ABCC4: variants seen among roughly 807,000 people sequenced by gnomAD.
The protein encoded by ABCC4 is ATP binding cassette subfamily C member 4 (PEL blood group).
ABCC4 carries 102 observed loss-of-function variants against 168.5 expected under a neutral mutation model. The ratio of observed to expected loss-of-function variants is 0.61; its 90% CI spans 0.52 to 0.71. The LOEUF is 0.71. Ranked by LOEUF, ABCC4 falls within the 30% of genes least tolerant of loss-of-function variation. The pLI is 0.00. For missense variants in ABCC4, 1,402 were observed against 1,605.8 expected, an observed-to-expected ratio of 0.87 and a Z score of 2.17; for synonymous variants, 617 against 590.7, an observed-to-expected ratio of 1.04 and a Z score of -0.65.
intron 29 of ABCC4, among the ~76,000 whole-genome samples, chr13:95,038,897 C>CTA (rs139576255): frequency 2.1e-4 from 32 of 152,190 alleles, no homozygotes; most frequent in African/African-American, 7.5e-4. Context: ...AGGATTCAGG[C>CTA]TATAGCCTTG....
intron 25 of ABCC4, among the ~76,000 whole-genome samples, chr13:95,068,203 C>T (rs537096216): frequency 4.6e-5 from 7 of 152,302 alleles, no homozygotes; most frequent in East Asian, 1.9e-4. Flanking sequence ...GATCCTGGGG[C>T]TGCAGGCAGG....
Position 95,207,815 on chromosome 13 carries a change from A to G in ABCC4, c.896T>C (p.Ile299Thr), listed in dbSNP as rs144290040. The part of the protein sequence containing the change: ...YAWEKSFSNL[I>T]TNLRKKEISK... ...AAAAACTTACTTTCTCAAATTGGTAATAAGATTTGAAAATGACTTTTCCCA... is the reference window on the plus strand; with the variant it reads ...AAAAACTTACTTTCTCAAATTGGTAGTAAGATTTGAAAATGACTTTTCCCA... The change falls in exon 7 of 31, where the codon ATT becomes ACT. Residue 299 changes from isoleucine to threonine, a missense_variant. Transcript: ENST00000645237. 1.9e-6 allele frequency: 3 copies of G among 1,612,286 alleles called. No individual in the cohort carries two copies. The African/African-American group carries it at 4.0e-5, about 22-fold the overall frequency.
intron 24 of ABCC4, 64 bp downstream of exon 24, chr13:95,073,140 T>G (rs1348017572): frequency 7.6e-7 from 1 of 1,311,808 alleles, no homozygotes; most frequent in Non-Finnish European, 1.1e-6. Context: ...CACATAAGAA[T>G]GGCTTTTATA....
intron 1 of ABCC4, among the ~76,000 whole-genome samples, chr13:95,273,958 A>G (rs1186896555): frequency 6.6e-6 from 1 of 151,812 alleles, no homozygotes; most frequent in Non-Finnish European, 1.5e-5. Context: ...TTGCCTGCAC[A>G]AGCTCTCTCT....
intron 27 of ABCC4, among the ~76,000 whole-genome samples, chr13:95,051,740 C>T (rs1042068582): frequency 3.3e-5 from 5 of 152,052 alleles, no homozygotes; most frequent in African/African-American, 1.2e-4. Flanking sequence ...AATGTTGGCT[C>T]ACCACAACCT....
intron 29 of ABCC4, chr13:95,043,225 C>T (rs1402794794): frequency 2.6e-5 from 4 of 153,410 alleles, no homozygotes. Flanking sequence ...CTCATCTCTT[C>T]CCCTGTGACA....
intron 19 of ABCC4, among the ~76,000 whole-genome samples, chr13:95,139,745 C>A (rs2139476391): frequency 6.6e-6 from 1 of 152,294 alleles, no homozygotes; most frequent in East Asian, 1.9e-4. Flanking sequence ...TTCAATGGTT[C>A]TTTCCCATGC....
intron 14 of ABCC4, among the ~76,000 whole-genome samples, chr13:95,168,336 C>T (rs1348378649): frequency 6.6e-6 from 1 of 152,124 alleles, no homozygotes; most frequent in African/African-American, 2.4e-5. Flanking sequence ...GGGGAAGAGC[C>T]AGCACACGGA....
intron 11 of ABCC4, among the ~76,000 whole-genome samples, chr13:95,181,504 T>C (rs2037889818): frequency 6.6e-6 from 1 of 152,256 alleles, no homozygotes; most frequent in African/African-American, 2.4e-5. Context: ...TCTAGGTTCC[T>C]AAGGCTTTGT....
At chr13:95,134,280 T>C (rs1333724778) in intron 19 of ABCC4, among the ~76,000 whole-genome samples, 1 of 152,188 alleles carries the variant, frequency 6.6e-6, no homozygotes, top group Non-Finnish European at 1.5e-5. Flanking sequence ...GACAGTGACG[T>C]ACAAACATTC....
chr13:95,238,918 C>T (rs2039852908), intron 3 of ABCC4, among the ~76,000 whole-genome samples: 1 of 152,070 alleles, frequency 6.6e-6, no homozygotes, highest in African/African-American at 2.4e-5. Flanking sequence ...GTTAGGCTTC[C>T]AAGAAAATCC....
chr13:95,133,673 T>C (rs1249614819), intron 19 of ABCC4, among the ~76,000 whole-genome samples: 1 of 151,932 alleles, frequency 6.6e-6, no homozygotes, highest in African/African-American at 2.4e-5. Context: ...GAACTCTCCT[T>C]GTAGGATAAG....
intron 3 of ABCC4, among the ~76,000 whole-genome samples, chr13:95,236,262 G>A (rs779493857): frequency 5.3e-5 from 8 of 152,104 alleles, no homozygotes; most frequent in African/African-American, 1.9e-4. Context: ...GTAGGCCCTC[G>A]ACATCATTTC....
At chr13:95,203,336 C>CTT (rs35053264) in intron 8 of ABCC4, among the ~76,000 whole-genome samples, 111 of 126,706 alleles carry the variant, frequency 8.8e-4, no homozygotes, top group Middle Eastern at 4.0e-3. Flanking sequence ...TCAGGAGGCT[C>CTT]TTTTTTTTTT....
chr13:95,271,547 C>T (rs976517229), intron 1 of ABCC4, among the ~76,000 whole-genome samples: 3 of 152,258 alleles, frequency 2.0e-5, no homozygotes, highest in African/African-American at 7.2e-5. Context: ...CAAGTATTTG[C>T]GTTACCTCAG....
intron 20 of ABCC4, among the ~76,000 whole-genome samples, chr13:95,110,264 G>A (rs573789539): frequency 2.2e-4 from 31 of 138,370 alleles, no homozygotes; most frequent in Non-Finnish European, 4.1e-4. Context: ...AGCCAAGATC[G>A]CCCCACTGCA....
At chr13:95,120,792 G>A (rs566090934) in intron 19 of ABCC4, among the ~76,000 whole-genome samples, 1 of 152,288 alleles carries the variant, frequency 6.6e-6, no homozygotes, top group South Asian at 2.1e-4. Context: ...ATGGTGTCGA[G>A]AGAATTGACC....
intron 1 of ABCC4, among the ~76,000 whole-genome samples, chr13:95,276,540 T>G (rs2040976873): frequency 6.7e-6 from 1 of 148,832 alleles, no homozygotes; most frequent in African/African-American, 2.5e-5. Flanking sequence ...AAAAACCAAT[T>G]GATAAAAGAG....
At chr13:95,038,761 G>A (rs1413406577) in intron 29 of ABCC4, among the ~76,000 whole-genome samples, 1 of 152,188 alleles carries the variant, frequency 6.6e-6, no homozygotes, top group Non-Finnish European at 1.5e-5. Context: ...CAAAGGAAGG[G>A]AAATTCAGGG....
Sources: allele counts gnomAD v4.1 joint callset (sites outside exome capture counted in the v4.1 genomes callset), GRCh38; gene constraint gnomAD v4.1.1; transcripts MANE v1.5; gene names NCBI Gene and HGNC (gene_info 2026-07-23, HGNC 2026-07-21).